The following LAMC1 variants were observed in gnomAD, a reference collection of about 807,000 sequenced individuals.
LAMC1 encodes laminin subunit gamma-1.
In LAMC1, 38 loss-of-function variants were observed where a neutral mutation model predicts 173.6. The ratio of observed to expected loss-of-function variants is 0.22; its 90% CI spans 0.17 to 0.29. The LOEUF (loss-of-function observed/expected upper bound fraction) is 0.29. Among genes scored for constraint, LAMC1 ranks in the 10% least tolerant of loss-of-function variants. The pLI, the probability that LAMC1 is intolerant of heterozygous loss-of-function variation, is 1.00. For synonymous variants in LAMC1, 746 were observed against 749.1 expected (o/e 1.00, Z 0.07); for missense variants, 1,824 against 2,051.8 (o/e 0.89, Z 2.14).
chr1:183,085,158 C>T (rs1655393194), intron 1 of LAMC1, among the ~76,000 whole-genome samples: 1 of 150,266 alleles, frequency 6.7e-6, no homozygotes, highest in Admixed American at 6.6e-5. Flanking sequence ...TGGGAGGCTA[C>T]AGTGAGCTGA....
intron 24 of LAMC1, among the ~76,000 whole-genome samples, chr1:183,135,708 C>T (rs960535977): frequency 2.0e-5 from 3 of 151,454 alleles, no homozygotes; most frequent in Non-Finnish European, 2.9e-5. Context: ...ATAGTGAGAC[C>T]CCATCTCTAT....
chr1:183,040,609 G>A (rs571517381), intron 1 of LAMC1, among the ~76,000 whole-genome samples: 1 of 152,230 alleles, frequency 6.6e-6, no homozygotes, highest in South Asian at 2.1e-4. Flanking sequence ...AGAGGAGAGA[G>A]GCTCTGCCTG....
In LAMC1 at chr1:183,130,409, C is replaced by A. The variant is rs1232952527; in HGVS notation, c.3346C>A (p.Arg1116Ser). Residue 1116 changes from arginine to serine, a missense_variant, in exon 19 of 28, where the codon CGT (arginine) becomes AGT (serine). Transcript: ENST00000258341. ...VNNTLSSQIS[R>S]LQNIRNTIEE... ...TAACACTCTGTCCAGCCAAATTAGC[C>A]GTTTACAGAATATCCGGAATACCAT... The A allele has an allele frequency of 2.5e-6, 4 of 1,614,146 alleles. No homozygotes were observed. The highest frequency in any genetic ancestry group is 3.4e-6 in the Non-Finnish European group (4 of 1,179,998).
intron 10 of LAMC1, 151 bp downstream of exon 10, chr1:183,117,874 T>A: frequency 1.2e-6 from 1 of 812,738 alleles, no homozygotes; most frequent in Non-Finnish European, 2.0e-6. Context: ...TTTCTTTACC[T>A]TTATCTTTTC....
intron 1 of LAMC1, among the ~76,000 whole-genome samples, chr1:183,058,450 A>G (rs1654655595): frequency 6.6e-6 from 1 of 152,188 alleles, no homozygotes; most frequent in Non-Finnish European, 1.5e-5. Context: ...CAGTTATTTG[A>G]TAATAGAGAT....
At chr1:183,137,372 G>C (rs1656974702) in intron 25 of LAMC1, among the ~76,000 whole-genome samples, 1 of 152,118 alleles carries the variant, frequency 6.6e-6, no homozygotes, top group African/African-American at 2.4e-5. Flanking sequence ...ATCATTTGCT[G>C]TCTGTATGAC....
intron 26 of LAMC1, chr1:183,138,123 A>G: frequency 1.8e-6 from 1 of 548,474 alleles, no homozygotes; most frequent in South Asian, 8.0e-5. Flanking sequence ...TCACTGGGTA[A>G]TTCATAAATG....
chr1:183,112,189 C>A (rs1656179382), intron 4 of LAMC1, among the ~76,000 whole-genome samples: 1 of 152,190 alleles, frequency 6.6e-6, no homozygotes, highest in African/African-American at 2.4e-5. Context: ...AAATTTACAG[C>A]CTCCTCTAAC....
At chr1:183,044,701 A>C (rs1464741265) in intron 1 of LAMC1, among the ~76,000 whole-genome samples, 1 of 152,146 alleles carries the variant, frequency 6.6e-6, no homozygotes, top group Non-Finnish European at 1.5e-5. Flanking sequence ...GACAGTAGTA[A>C]TAGAAGACCT....
In LAMC1 at chr1:183,145,572, C is replaced by G. The variant is rs1209686778; in HGVS notation, c.*2782C>G. 2 of 152,384 alleles carry G rather than the reference C, an allele frequency of 1.3e-5. No individual in the cohort carries two copies. Among genetic ancestry groups the G allele is most frequent in the South Asian group, 4.1e-4 (2 of 4,826 alleles). The allele number at this position is 152,384 out of a possible 1,614,324, so 9.4% of individuals were successfully genotyped here. On this transcript the variant is annotated 3_prime_UTR_variant, in exon 28 of 28. Transcript: ENST00000258341. ...AACAGTATTTTATTTATAATAAAAT[C>G]TGAATATTTGTAACCCTTTATATTT... is the stretch of plus-strand genomic sequence containing the variant.
chr1:183,023,920 G>A lies in LAMC1; in HGVS notation c.204G>A (p.Thr68=), dbSNP rs1653609269. ...ACGTGACTGTGGTGGCCACCAACAC[G>A]TGTGGGACTCCGCCCGAGGAATACT... ...AFNVTVVATN[T]CGTPPEEYCV... Residue 68 remains threonine (T), a synonymous_variant, in exon 1 of 28, where the codon ACG becomes ACA. Coordinates refer to ENST00000258341, the MANE Select transcript of LAMC1 (RefSeq NM_002293.4). 1.2e-6 allele frequency: 2 copies of A among 1,613,234 alleles called. No individual in the cohort carries two copies. The highest frequency in any genetic ancestry group is 1.7e-6 in the Non-Finnish European group (2 of 1,179,944).
intron 27 of LAMC1, among the ~76,000 whole-genome samples, chr1:183,141,754 A>T (rs1657119823): frequency 1.3e-5 from 2 of 152,238 alleles, no homozygotes; most frequent in South Asian, 4.1e-4. Context: ...TGGAACAGCC[A>T]GACTTTTAAC....
Position 183,117,629 on chromosome 1 carries a change from C to T in LAMC1, c.1783C>T (p.Leu595Phe). The T allele has an allele frequency of 6.2e-7, 1 of 1,614,188 alleles. No homozygotes were observed. Among genetic ancestry groups the T allele is most frequent in the South Asian group, 1.1e-5 (1 of 91,082 alleles). The change falls in exon 10 of 28, where the codon CTT becomes TTT. Residue 595 changes from leucine to phenylalanine, a missense_variant. Physicochemically the swap from Leu to Phe is conservative, Grantham distance 22. Transcript: ENST00000258341. ...RRDTRLSAED[L>F]VLEGAGLRVS... is the part of the protein sequence containing the mutation. ...AGATACTCGCCTCTCTGCAGAAGAC[C>T]TTGTGCTTGAGGGAGCTGGCTTAAG...
intron 1 of LAMC1, among the ~76,000 whole-genome samples, chr1:183,034,898 T>C (rs1653939875): frequency 2.0e-5 from 3 of 152,152 alleles, no homozygotes; most frequent in African/African-American, 7.2e-5. Flanking sequence ...TGAGAACTAT[T>C]GTTAGCCCCG....
intron 1 of LAMC1, among the ~76,000 whole-genome samples, chr1:183,040,342 A>G (rs1654094975): frequency 6.6e-6 from 1 of 152,254 alleles, no homozygotes; most frequent in Admixed American, 6.5e-5. Flanking sequence ...TTATTCAAAC[A>G]GGAAGTCTCA....
intron 15 of LAMC1, 70 bp from the exon 16 acceptor site, chr1:183,126,050 T>TAAAA: frequency 7.6e-7 from 1 of 1,323,652 alleles, no homozygotes. Context: ...AGTGCTATAC[T>TAAAA]AAAAAAAAAA....
chr1:183,138,313 G>A (rs1657005640), intron 26 of LAMC1: 3 of 384,668 alleles, frequency 7.8e-6, no homozygotes, highest in Non-Finnish European at 1.1e-5. Context: ...GTGATAATGT[G>A]TATGCAAGGT....
chr1:183,080,738 C>T (rs182208128), intron 1 of LAMC1, among the ~76,000 whole-genome samples: 50 of 151,450 alleles, frequency 3.3e-4, no homozygotes, highest in African/African-American at 1.1e-3. Context: ...AAGAAACTTA[C>T]GTTGTTAGAC....
chr1:183,087,817 C>CTTT (rs111291713), intron 1 of LAMC1, among the ~76,000 whole-genome samples: 2 of 143,572 alleles, frequency 1.4e-5, no homozygotes, highest in African/African-American at 2.5e-5. Flanking sequence ...CTTTTCTTTC[C>CTTT]TTTTTTTTTT....
Sources: gnomAD v4.1 joint callset for allele counts (sites outside exome capture counted in the v4.1 genomes callset) on GRCh38, gnomAD v4.1.1 for gene constraint, MANE v1.5 for transcripts, NCBI Gene and HGNC (gene_info 2026-07-23, HGNC 2026-07-21) for gene names.